Variants in CATSPERE observed in about 807,000 individuals in gnomAD.
The protein encoded by CATSPERE is cation channel sperm-associated auxiliary subunit epsilon.
CATSPERE carries 93 observed loss-of-function variants against 114.1 expected under a neutral mutation model. That is an observed-to-expected ratio of 0.81 (90% CI 0.69 to 0.97). The LOEUF (loss-of-function observed/expected upper bound fraction) is 0.97, where lower values mean the gene tolerates loss of function less well. Ranked by LOEUF, CATSPERE falls within the 50% of genes least tolerant of loss-of-function variation. The probability of loss-of-function intolerance (pLI) is 0.00; values close to 1 mark genes in which losing one functional copy is unlikely to be tolerated. For synonymous variants in CATSPERE, 341 were observed against 384.1 expected (o/e 0.89, Z 1.31); for missense variants, 1,058 against 1,131.6 (o/e 0.93, Z 0.93).
At chr1:244,496,981 G>A (rs915606954) in intron 6 of CATSPERE, among the ~76,000 whole-genome samples, 3 of 152,068 alleles carry the variant, frequency 2.0e-5, no homozygotes, top group African/African-American at 7.2e-5. Flanking sequence ...GGGAGAAGAT[G>A]GACTAGTCAA....
chr1:244,508,025 T>C (rs73129793), intron 7 of CATSPERE, among the ~76,000 whole-genome samples: 4,111 of 152,224 alleles, frequency 0.027, 200 homozygotes, highest in African/African-American at 0.094. Context: ...GATATTTTGA[T>C]AGAGATTGCA....
At chr1:244,618,967 A>G (rs1480153169) in intron 20 of CATSPERE, among the ~76,000 whole-genome samples, 1 of 152,180 alleles carries the variant, frequency 6.6e-6, no homozygotes, top group African/African-American at 2.4e-5. Context: ...ATATAGTTTC[A>G]TGTTTTCTAG....
intron 9 of CATSPERE, among the ~76,000 whole-genome samples, chr1:244,553,287 C>T (rs553094643): frequency 1.3e-5 from 2 of 152,032 alleles, no homozygotes; most frequent in South Asian, 2.1e-4. Context: ...GCTGGCCGGG[C>T]GCGGTGGCTC....
chr1:244,517,926 C>G (rs1426917333), intron 7 of CATSPERE, among the ~76,000 whole-genome samples: 1 of 150,672 alleles, frequency 6.6e-6, no homozygotes, highest in Non-Finnish European at 1.5e-5. Flanking sequence ...TTAAAGGTTC[C>G]TTTGTGAGTG....
chr1:244,631,405 T>C (rs115428451), intron 20 of CATSPERE, among the ~76,000 whole-genome samples: 1,678 of 152,178 alleles, frequency 0.011, 26 homozygotes, highest in African/African-American at 0.039. Flanking sequence ...GGCTATGACT[T>C]TTTGGATAAA....
chr1:244,529,093 G>C (rs1679187037), intron 8 of CATSPERE, among the ~76,000 whole-genome samples: 2 of 152,256 alleles, frequency 1.3e-5, no homozygotes, highest in South Asian at 4.1e-4. Flanking sequence ...TGGACACTTA[G>C]GTTGTTTCCA....
At chr1:244,488,176 ATCTC>A (rs1310092925) in intron 5 of CATSPERE, among the ~76,000 whole-genome samples, 2 of 152,124 alleles carry the variant, frequency 1.3e-5, no homozygotes, top group Non-Finnish European at 2.9e-5. Context: ...TCCCACTACT[ATCTC>A]TCTGTCTTCT....
chr1:244,549,108 A>C (rs1292048620), intron 8 of CATSPERE, among the ~76,000 whole-genome samples: 3 of 152,232 alleles, frequency 2.0e-5, no homozygotes, highest in African/African-American at 7.2e-5. Context: ...TCTGAAATAC[A>C]GGAGATCCCT....
intron 6 of CATSPERE, among the ~76,000 whole-genome samples, chr1:244,493,121 A>G (rs1046621800): frequency 2.0e-5 from 3 of 152,036 alleles, no homozygotes; most frequent in Non-Finnish European, 4.4e-5. Flanking sequence ...GAACCAAAAA[A>G]GAGCCCGCAT....
chr1:244,467,599 A>G (rs1329479294), intron 2 of CATSPERE, among the ~76,000 whole-genome samples: 2 of 152,206 alleles, frequency 1.3e-5, no homozygotes, highest in East Asian at 1.9e-4. Context: ...GTGACACACT[A>G]GTTTGACTCC....
chr1:244,569,393 T>TC (rs1664118537), intron 10 of CATSPERE, among the ~76,000 whole-genome samples: 1 of 152,174 alleles, frequency 6.6e-6, no homozygotes. Flanking sequence ...TGCCCACAAC[T>TC]CCCCCTTTTC....
At chr1:244,609,827 G>C (rs66497428) in intron 18 of CATSPERE, among the ~76,000 whole-genome samples, 17,705 of 152,218 alleles carry the variant, frequency 0.12, 1,352 homozygotes, top group East Asian at 0.38. Flanking sequence ...GATGGCTTGA[G>C]GCCAAGAGTT....
intron 9 of CATSPERE, among the ~76,000 whole-genome samples, chr1:244,556,947 C>T (rs1661675425): frequency 6.6e-6 from 1 of 151,940 alleles, no homozygotes; most frequent in Non-Finnish European, 1.5e-5. Flanking sequence ...ATGTGGATAT[C>T]CTGTTTTTCT....
intron 2 of CATSPERE, among the ~76,000 whole-genome samples, chr1:244,477,056 C>T (rs1019669754): frequency 2.6e-5 from 4 of 152,140 alleles, no homozygotes; most frequent in African/African-American, 7.2e-5. Flanking sequence ...AGTACAATGA[C>T]GTGATGTCGG....
chr1:244,526,566 G>C (rs941956273), intron 8 of CATSPERE, among the ~76,000 whole-genome samples: 19 of 152,018 alleles, frequency 1.2e-4, no homozygotes, highest in African/African-American at 3.9e-4. Context: ...GCAAGGATAA[G>C]GCAGTGCTTT....
intron 8 of CATSPERE, among the ~76,000 whole-genome samples, chr1:244,534,859 A>G (rs1447125401): frequency 1.3e-5 from 2 of 152,192 alleles, no homozygotes; most frequent in Admixed American, 1.3e-4. Flanking sequence ...TTGAAGAATT[A>G]GGTGTTTATT....
chr1:244,462,118 T>C (rs1363438480), intron 1 of CATSPERE, among the ~76,000 whole-genome samples: 1 of 152,106 alleles, frequency 6.6e-6, no homozygotes, highest in African/African-American at 2.4e-5. Flanking sequence ...AGCCATGAGC[T>C]ATCGCGCCCC....
At chr1:244,590,201 A>G (rs2148640097) in intron 14 of CATSPERE, among the ~76,000 whole-genome samples, 1 of 152,360 alleles carries the variant, frequency 6.6e-6, no homozygotes, top group South Asian at 2.1e-4. Context: ...AAAAACTCCT[A>G]TAATTACAAC....
intron 14 of CATSPERE, 73 bp downstream of exon 14, chr1:244,588,607 T>TATTATCACTAGC: frequency 2.7e-6 from 3 of 1,107,904 alleles, no homozygotes; most frequent in South Asian, 1.3e-5. Context: ...TGATAACTGC[T>TATTATCACTAGC]AGTGATAATA....
Sources: gnomAD v4.1 joint callset for allele counts (sites outside exome capture counted in the v4.1 genomes callset) on GRCh38, gnomAD v4.1.1 for gene constraint, MANE v1.5 for transcripts, NCBI Gene and HGNC (gene_info 2026-07-23, HGNC 2026-07-21) for gene names.